ANO3: variants seen among roughly 807,000 people sequenced by gnomAD.
ANO3 encodes the protein anoctamin 3, also known as anoctamin-3.
ANO3 carries 99 observed loss-of-function variants against 144.8 expected under a neutral mutation model. That is an observed-to-expected ratio of 0.68 (90% CI 0.58 to 0.81). The LOEUF (loss-of-function observed/expected upper bound fraction) is 0.81, where lower values mean the gene tolerates loss of function less well. Ranked by LOEUF, ANO3 falls within the 30% of genes least tolerant of loss-of-function variation. ANO3 has a pLI of 0.00. For missense variants in ANO3, 905 were observed against 1,202.2 expected (o/e 0.75, Z 3.66); for synonymous variants, 414 against 392.6 (o/e 1.05, Z -0.64).
chr11:26,450,379 C>A (rs1369334633), intron 3 of ANO3, among the ~76,000 whole-genome samples: 1 of 152,126 alleles, frequency 6.6e-6, no homozygotes, highest in Non-Finnish European at 1.5e-5. Context: ...CTCATTGCTA[C>A]TGGCTAGTGG....
intron 24 of ANO3, among the ~76,000 whole-genome samples, chr11:26,651,589 G>C (rs928505235): frequency 3.3e-5 from 5 of 151,350 alleles, no homozygotes; most frequent in African/African-American, 1.2e-4. Flanking sequence ...TTAAGAAACG[G>C]GTCATTTATA....
At chr11:26,551,195 C>T (rs1429148768) in intron 12 of ANO3, among the ~76,000 whole-genome samples, 1 of 151,940 alleles carries the variant, frequency 6.6e-6, no homozygotes, top group Non-Finnish European at 1.5e-5. Flanking sequence ...CAAACATCCA[C>T]CTCCATATAG....
chr11:26,411,038 G>C (rs1857417203), intron 1 of ANO3, among the ~76,000 whole-genome samples: 1 of 152,020 alleles, frequency 6.6e-6, no homozygotes, highest in Admixed American at 6.6e-5. Context: ...ATTTACTAGA[G>C]TGGAGAAAAG....
chr11:26,215,317 A>G (rs1266993087), intron 1 of ANO3, among the ~76,000 whole-genome samples: 3 of 152,008 alleles, frequency 2.0e-5, no homozygotes, highest in African/African-American at 7.2e-5. Flanking sequence ...TATGGCCACA[A>G]AGTATACTTA....
chr11:26,365,421 G>T (rs922118614), intron 1 of ANO3, among the ~76,000 whole-genome samples: 1 of 152,152 alleles, frequency 6.6e-6, no homozygotes, highest in Admixed American at 6.5e-5. Flanking sequence ...GGATTCTCTG[G>T]GGCTTCCAAC....
intron 1 of ANO3, among the ~76,000 whole-genome samples, chr11:26,279,243 A>G (rs1054442203): frequency 6.6e-6 from 1 of 152,188 alleles, no homozygotes; most frequent in African/African-American, 2.4e-5. Flanking sequence ...GAAATTGAAC[A>G]TGCTTCACAA....
rs752464296 is a variant in ANO3 at position 26,534,585 on chromosome 11, G to T, written c.976+23G>T. ...TGGGTAAGAACATTAATTAATAACA[G>T]AGTAGAACTTGCTGTTACTATTTAT... is the stretch of plus-strand genomic sequence containing the variant. On this transcript the variant is annotated intron_variant, in intron 9 of 26. Coordinates refer to ENST00000256737, the MANE Select transcript of ANO3 (RefSeq NM_031418.4). The T allele has an allele frequency of 1.3e-5, 20 of 1,507,464 alleles. No individual in the cohort carries two copies. The East Asian group carries it at 4.1e-4, about 31-fold the overall frequency. 93.4% of individuals were successfully genotyped at this position (1,507,464 alleles called of 1,614,324 possible).
In ANO3 at chr11:26,441,940, G is replaced by A; in HGVS notation, c.69G>A (p.Glu23=). Residue 23 remains glutamate (E), a synonymous_variant, in exon 2 of 27, where the codon GAG becomes GAA. Transcript: ENST00000256737. ...QQKGMNISKS[E]ITKETSLKPS... Reference sequence around the variant, plus strand: ...CAGGTATGAATATAAGCAAGAGTGAGATAACAAAAGAAACTTCGTTAAAAC... The same window carrying A: ...CAGGTATGAATATAAGCAAGAGTGAAATAACAAAAGAAACTTCGTTAAAAC... The A allele has an allele frequency of 6.2e-7, 1 of 1,613,498 alleles. No homozygotes were observed. The highest frequency in any genetic ancestry group is 1.1e-5 in the South Asian group (1 of 90,906).
chr11:26,582,444 G>A (rs1346231909), intron 14 of ANO3, among the ~76,000 whole-genome samples: 1 of 152,182 alleles, frequency 6.6e-6, no homozygotes, highest in African/African-American at 2.4e-5. Context: ...TTGTTCCAGG[G>A]ACTGACTATA....
At chr11:26,205,567 G>T (rs1248006675) in intron 1 of ANO3, among the ~76,000 whole-genome samples, 1 of 152,272 alleles carries the variant, frequency 6.6e-6, no homozygotes, top group East Asian at 1.9e-4. Context: ...TTTGATGTAT[G>T]GTCAGCTTTG....
intron 14 of ANO3, among the ~76,000 whole-genome samples, chr11:26,577,565 A>T (rs1851020857): frequency 8.9e-5 from 1 of 11,288 alleles, no homozygotes; most frequent in African/African-American, 2.1e-4. Flanking sequence ...ACTCCGTCTC[A>T]AAAAAAAAAA....
chr11:26,535,571 CTTTTTTTTTTTTTTT>C (rs72278856), intron 9 of ANO3, among the ~76,000 whole-genome samples: 5 of 58,570 alleles, frequency 8.5e-5, no homozygotes, highest in Admixed American at 3.5e-4. Flanking sequence ...AAGACAGCCA[CTTTTTTTTTTTTTTT>C]TTTTTTTTTT....
At chr11:26,268,816 C>T (rs141813318) in intron 1 of ANO3, among the ~76,000 whole-genome samples, 1 of 152,248 alleles carries the variant, frequency 6.6e-6, no homozygotes, top group East Asian at 1.9e-4. Flanking sequence ...CCACACAACA[C>T]AGTACAGGCT....
upstream of ANO3, among the ~76,000 whole-genome samples, chr11:26,327,919 T>C (rs939949785): frequency 4.6e-5 from 7 of 152,208 alleles, no homozygotes; most frequent in Non-Finnish European, 8.8e-5. Flanking sequence ...GGTTCTAAGA[T>C]ATGAACTGCT....
At chr11:26,608,924 A>G (rs1852011472) in intron 17 of ANO3, among the ~76,000 whole-genome samples, 1 of 152,178 alleles carries the variant, frequency 6.6e-6, no homozygotes, top group African/African-American at 2.4e-5. Flanking sequence ...CAAAGAGCTC[A>G]AAGGGCTTAG....
At chr11:26,214,790 T>G (rs2133786493) in intron 1 of ANO3, among the ~76,000 whole-genome samples, 1 of 152,060 alleles carries the variant, frequency 6.6e-6, no homozygotes, top group East Asian at 1.9e-4. Flanking sequence ...CAGATTTCTT[T>G]AGTTATTTTG....
intron 4 of ANO3, among the ~76,000 whole-genome samples, chr11:26,496,595 G>A (rs915710386): frequency 1.6e-4 from 25 of 152,076 alleles, no homozygotes; most frequent in South Asian, 6.2e-4. Context: ...GATATATTAT[G>A]TAGTAGTGAA....
chr11:26,369,151 T>A (rs1351024448), intron 1 of ANO3, among the ~76,000 whole-genome samples: 1 of 152,270 alleles, frequency 6.6e-6, no homozygotes, highest in Non-Finnish European at 1.5e-5. Context: ...TGGGTATGTG[T>A]GTGCATGCAT....
At chr11:26,320,718 T>G (rs1208544203) in intron 1 of ANO3, among the ~76,000 whole-genome samples, 1 of 152,146 alleles carries the variant, frequency 6.6e-6, no homozygotes, top group Non-Finnish European at 1.5e-5. Context: ...CTGTTTAACA[T>G]TTTAGTTCTT....
Sources: allele counts gnomAD v4.1 joint callset (sites outside exome capture counted in the v4.1 genomes callset), GRCh38; gene constraint gnomAD v4.1.1; transcripts MANE v1.5; gene names NCBI Gene and HGNC (gene_info 2026-07-23, HGNC 2026-07-21).